QSOX1: variants seen among roughly 807,000 people sequenced by gnomAD.
QSOX1 encodes sulfhydryl oxidase 1.
In QSOX1, 40 loss-of-function variants were observed where a neutral mutation model predicts 76.1. The observed-to-expected ratio is 0.53, with a 90% CI of 0.41 to 0.68. The LOEUF (loss-of-function observed/expected upper bound fraction) is 0.68. QSOX1 is among the 30% of genes least tolerant of loss of function. The probability of loss-of-function intolerance (pLI) is 0.00; values close to 1 mark genes in which losing one functional copy is unlikely to be tolerated. For synonymous variants in QSOX1, 392 were observed against 413.1 expected (o/e 0.95, Z 0.62); for missense variants, 931 against 974.3 (o/e 0.96, Z 0.59).
intron 3 of QSOX1, among the ~76,000 whole-genome samples, chr1:180,175,698 G>T (rs1662872137): frequency 6.6e-6 from 1 of 152,202 alleles, no homozygotes; most frequent in Non-Finnish European, 1.5e-5. Context: ...ACGACTCCCA[G>T]TTCTGAGGGA....
chr1:180,196,813 A>C lies in QSOX1; in HGVS notation c.2020A>C (p.Ser674Arg). The C allele has an allele frequency of 6.2e-7, 1 of 1,611,290 alleles. No individual in the cohort carries two copies. Among genetic ancestry groups the C allele is most frequent in the Non-Finnish European group, 8.5e-7 (1 of 1,177,880 alleles). The change falls in exon 12 of 12, where the codon AGC (serine) becomes CGC (arginine). Residue 674 changes from serine to arginine, a missense_variant. Transcript: ENST00000367602. This position sits in a 1 kb window ranked among gnomAD's most constrained non-coding sequence, Gnocchi z 4.1. ...TTTGGAGGTCAGGCGCGTGGGCCGC[A>C]GCTCCAAGCAGCTGGTCGACATCCC... Reference protein sequence around the residue: ...GPLEVRRVGRSSKQLVDIPEG... With the variant: ...GPLEVRRVGRRSKQLVDIPEG...
At chr1:180,195,053 G>T (rs1162168786) in intron 11 of QSOX1, among the ~76,000 whole-genome samples, 1 of 152,130 alleles carries the variant, frequency 6.6e-6, no homozygotes, top group East Asian at 1.9e-4. Flanking sequence ...AGCAGGTGGT[G>T]GTGCAGGCGC....
intron 2 of QSOX1, among the ~76,000 whole-genome samples, chr1:180,169,740 G>A (rs1190429330): frequency 1.3e-5 from 2 of 152,256 alleles, no homozygotes; most frequent in African/African-American, 2.4e-5. Flanking sequence ...CAGCCACTGC[G>A]GGCCTACTTG....
Position 180,155,077 on chromosome 1 carries a change from C to G in QSOX1, c.170C>G (p.Ser57Cys). ...ACGGTGCGCGGCGCGGTGCTGGGCT[C>G]CCGCAGCGCCTGGGCCGTGGAGTTC... ...ADTVRGAVLG[S>C]RSAWAVEFFA... The change falls in exon 1 of 12, where the codon TCC becomes TGC. Residue 57 changes from serine (S) to cysteine (C), a missense_variant. Ser to Cys is a moderately radical substitution (Grantham distance 112). Coordinates refer to ENST00000367602, the MANE Select transcript of QSOX1 (RefSeq NM_002826.5). The G allele has an allele frequency of 7.2e-6, 11 of 1,520,318 alleles. No individual in the cohort carries two copies. Among genetic ancestry groups the G allele is most frequent in the Non-Finnish European group, 8.8e-6 (10 of 1,140,276 alleles). 94.2% of individuals were successfully genotyped at this position (1,520,318 alleles called of 1,614,324 possible).
At chr1:180,187,133 C>T (rs978633630) in intron 8 of QSOX1, among the ~76,000 whole-genome samples, 1 of 152,190 alleles carries the variant, frequency 6.6e-6, no homozygotes, top group Non-Finnish European at 1.5e-5. Flanking sequence ...TGGGAACTTC[C>T]TGCCAGCCTG....
chr1:180,183,506 C>T (rs1262783959), intron 6 of QSOX1, among the ~76,000 whole-genome samples: 3 of 152,174 alleles, frequency 2.0e-5, no homozygotes, highest in African/African-American at 4.8e-5. Context: ...TACCTCAGGG[C>T]GAGCTTATGG....
intron 8 of QSOX1, among the ~76,000 whole-genome samples, chr1:180,186,816 C>T (rs1442893683): frequency 1.3e-5 from 2 of 152,262 alleles, no homozygotes; most frequent in African/African-American, 4.8e-5. Context: ...GCCATGCCTT[C>T]GTTCTGCCAG....
chr1:180,175,030 G>T (rs949444329), intron 2 of QSOX1, among the ~76,000 whole-genome samples: 4 of 151,970 alleles, frequency 2.6e-5, no homozygotes, highest in African/African-American at 9.7e-5. Context: ...GGTGGTGGGC[G>T]CCTGTAGTCC....
intron 4 of QSOX1, 62 bp downstream of exon 4, chr1:180,176,095 AG>A (rs1662885677): frequency 7.3e-7 from 1 of 1,378,632 alleles, no homozygotes; most frequent in African/African-American, 1.4e-5. Flanking sequence ...TGGGAGTGAG[AG>A]GGTGGTGGGA....
chr1:180,185,978 G>T, intron 7 of QSOX1, 75 bp from the exon 8 acceptor site: 3 of 1,543,320 alleles, frequency 1.9e-6, no homozygotes, highest in Non-Finnish European at 2.7e-6. Flanking sequence ...TCTCCCTTTA[G>T]CCCTGGATGC....
rs1465406777 is a variant in QSOX1 at position 180,155,172 on chromosome 1, G to C, written c.265G>C (p.Ala89Pro). 3 of 1,497,360 alleles carry C rather than the reference G, an allele frequency of 2.0e-6. No homozygotes were observed. The highest frequency in any genetic ancestry group is 2.7e-6 in the Non-Finnish European group (3 of 1,127,002). The allele number at this position is 1,497,360 out of a possible 1,614,324, so 92.8% of individuals were successfully genotyped here. ...TWKALAEDVKAWRPALYLAAL... is the reference protein window; with the variant it reads ...TWKALAEDVKPWRPALYLAAL... ...GAAGGCGCTGGCCGAAGACGTCAAA[G>C]GTGAGAAGCGGGGGCGGCCCGCTCC... Residue 89 changes from alanine (A) to proline (P), a missense_variant and splice_region_variant, in exon 1 of 12, where the codon GCC (alanine) becomes CCC (proline). Physicochemically the swap from Ala to Pro is conservative, Grantham distance 27 (BLOSUM62 -1). Transcript: ENST00000367602.
rs564301766 is a variant in QSOX1 at position 180,182,826 on chromosome 1, G to A, written c.752+507G>A. Among the ~76,000 whole-genome samples, 38 of 152,364 alleles carry A rather than the reference G, an allele frequency of 2.5e-4. No homozygotes were observed. The South Asian group carries it at 7.9e-3, about 32-fold the overall frequency. On this transcript the variant is annotated intron_variant, in intron 6 of 11. Transcript: ENST00000367602. ...GCTGAATGGCCCGTTAATGGCACCA[G>A]ATGGTGCCTTGGTGCCCTCCCTGGG...
At chr1:180,175,135 C>T (rs1017246039) in intron 2 of QSOX1, among the ~76,000 whole-genome samples, 186 bp from the exon 3 acceptor site, 3 of 143,726 alleles carry the variant, frequency 2.1e-5, no homozygotes, top group Non-Finnish European at 3.0e-5. Flanking sequence ...CCAGCCTGAG[C>T]GACAGAGCGA....
In QSOX1 at chr1:180,158,415, A is replaced by G. The variant is rs555830164; in HGVS notation, c.265+3243A>G. ...CAGAGTAGGAGCCCACTGCACGTTC[A>G]TGGTGGCCAGTGGCCTGAGCCTCAC... On this transcript the variant is annotated intron_variant, in intron 1 of 11. Transcript: ENST00000367602. 2.6e-5 allele frequency among the ~76,000 whole-genome samples: 4 copies of G among 152,352 alleles called. No homozygotes were observed. The East Asian group carries it at 7.7e-4, about 29-fold the overall frequency.
intron 2 of QSOX1, among the ~76,000 whole-genome samples, chr1:180,169,737 T>C (rs1448326723): frequency 6.6e-6 from 1 of 152,250 alleles, no homozygotes; most frequent in Non-Finnish European, 1.5e-5. Context: ...CAGCAGCCAC[T>C]GCGGGCCTAC....
chr1:180,196,725 G>A lies in QSOX1; in HGVS notation c.1932G>A (p.Lys644=), dbSNP rs1000170006. Residue 644 remains lysine (K), a synonymous_variant, in exon 12 of 12, where the codon AAG becomes AAA. Coordinates refer to ENST00000367602, the MANE Select transcript of QSOX1 (RefSeq NM_002826.5). The surrounding 1 kb of genome is among the most constrained non-coding windows in gnomAD (Gnocchi z 4.1). ...EQPLGQWHLS[K]RDTGAALLAE... ...CGCTTGGGCAGTGGCACTTGAGCAA[G>A]CGAGACACAGGGGCTGCATTGCTGG... The A allele has an allele frequency of 1.2e-6, 2 of 1,614,138 alleles. No individual in the cohort carries two copies. Among genetic ancestry groups the A allele is most frequent in the South Asian group, 1.1e-5 (1 of 91,084 alleles).
chr1:180,193,614 G>A (rs887655874), intron 10 of QSOX1, among the ~76,000 whole-genome samples: 4 of 151,732 alleles, frequency 2.6e-5, no homozygotes, highest in African/African-American at 4.9e-5. Flanking sequence ...TGTCCTCAGC[G>A]GGGAGCCTGG....
rs1435555693 is a variant in QSOX1, at chr1:180,184,135, A to G, written c.887+85A>G. ...CCTTCACACCCACGCCCTCTTGCTC[A>G]TTCTTCTTCCTTGTCATATGATTAG... On this transcript the variant is annotated intron_variant, in intron 7 of 11. Coordinates refer to ENST00000367602, the MANE Select transcript of QSOX1 (RefSeq NM_002826.5). 5 of 1,491,964 alleles carry G rather than the reference A, an allele frequency of 3.4e-6. No homozygotes were observed. The South Asian group carries it at 3.7e-5, about 11-fold the overall frequency. The allele number at this position is 1,491,964 out of a possible 1,614,324, so 92.4% of individuals were successfully genotyped here.
intron 2 of QSOX1, among the ~76,000 whole-genome samples, chr1:180,171,560 A>G (rs1192861379): frequency 6.6e-6 from 1 of 152,226 alleles, no homozygotes; most frequent in Non-Finnish European, 1.5e-5. Flanking sequence ...GGACAAAGTC[A>G]TTGGCTTTGG....
Sources: gnomAD v4.1 joint callset for allele counts (sites outside exome capture counted in the v4.1 genomes callset) on GRCh38, gnomAD v4.1.1 for gene constraint, Gnocchi (gnomAD v3.1) non-coding constraint, MANE v1.5 for transcripts, NCBI Gene and HGNC (gene_info 2026-07-23, HGNC 2026-07-21) for gene names.